CNIH1: variants seen among roughly 807,000 people sequenced by gnomAD.
CNIH1 encodes cornichon family member 1, also known as protein cornichon homolog 1.
CNIH1 carries 12 observed loss-of-function variants against 20.2 expected under a neutral mutation model. That is an observed-to-expected ratio of 0.59 (90% confidence interval 0.38 to 0.96). CNIH1 has a LOEUF of 0.96. Among genes scored for constraint, CNIH1 ranks in the 40% least tolerant of loss-of-function variants. CNIH1 has a pLI of 0.00. For missense variants in CNIH1, 152 were observed against 178.8 expected, an observed-to-expected ratio of 0.85 and a Z score of 0.85; for synonymous variants, 69 against 63.3, an observed-to-expected ratio of 1.09 and a Z score of -0.43.
In CNIH1 at chr14:54,427,180, C is replaced by A. The variant is rs1343571186; in HGVS notation, c.*634G>T. The A allele has an allele frequency of 3.3e-5, 5 of 152,094 alleles. No individual in the cohort carries two copies. The highest frequency in any genetic ancestry group is 7.4e-5 in the Non-Finnish European group (5 of 68,006). 9.4% of individuals were successfully genotyped at this position (152,094 alleles called of 1,614,324 possible). On this transcript the variant is annotated 3_prime_UTR_variant, in exon 5 of 5. Transcript: ENST00000216416. Reference sequence around the variant, plus strand: ...AGCATATATTTTTATATCATGTTTACTTATGCTTAAGAATTAAAGCAAGTA... The same window carrying A: ...AGCATATATTTTTATATCATGTTTAATTATGCTTAAGAATTAAAGCAAGTA...
chr14:54,441,364 A>G lies in CNIH1; in HGVS notation c.-37T>C, dbSNP rs1259016731. The G allele has an allele frequency of 1.4e-6, 2 of 1,476,114 alleles. No homozygotes were observed. Among genetic ancestry groups the G allele is most frequent in the Admixed American group, 2.2e-5 (1 of 45,458 alleles). The allele number at this position is 1,476,114 out of a possible 1,614,324, so 91.4% of individuals were successfully genotyped here. On this transcript the variant is annotated 5_prime_UTR_variant, in exon 1 of 5. Transcript: ENST00000216416. Reference sequence around the variant, plus strand: ...AGGAGCGGGGAGCGGCGCCGTTGCCAGCGGAGAAAGGCGGCGCAGGGCCCT... The same window carrying G: ...AGGAGCGGGGAGCGGCGCCGTTGCCGGCGGAGAAAGGCGGCGCAGGGCCCT...
intron 1 of CNIH1, 58 bp downstream of exon 1, chr14:54,441,189 G>A: frequency 2.1e-6 from 3 of 1,447,930 alleles, no homozygotes; most frequent in South Asian, 2.7e-5. Flanking sequence ...CGCGGGCCCG[G>A]GGCGAAAAGA....
At chr14:54,438,680 G>C (rs367948732) in intron 1 of CNIH1, among the ~76,000 whole-genome samples, 2 of 152,324 alleles carry the variant, frequency 1.3e-5, no homozygotes, top group African/African-American at 4.8e-5. Context: ...TTTTTGGAAT[G>C]TAATTTAAAA....
chr14:54,440,180 T>TG (rs1176484851), intron 1 of CNIH1, among the ~76,000 whole-genome samples: 1 of 152,246 alleles, frequency 6.6e-6, no homozygotes, highest in Non-Finnish European at 1.5e-5. Flanking sequence ...CCCCTCCGTA[T>TG]GTTTCATAGA....
intron 1 of CNIH1, 198 bp from the exon 2 acceptor site, chr14:54,436,635 G>A (rs1279228419): frequency 1.4e-5 from 8 of 578,430 alleles, no homozygotes; most frequent in Non-Finnish European, 2.2e-5. Flanking sequence ...TCTTATCTCA[G>A]TATCACTAAA....
chr14:54,438,419 A>C (rs2031098861), intron 1 of CNIH1, among the ~76,000 whole-genome samples: 1 of 152,216 alleles, frequency 6.6e-6, no homozygotes, highest in South Asian at 2.1e-4. Context: ...ACACCCACAA[A>C]ATTTCCTACA....
chr14:54,435,676 T>G (rs1353348191), intron 2 of CNIH1, among the ~76,000 whole-genome samples: 1 of 152,144 alleles, frequency 6.6e-6, no homozygotes, highest in Admixed American at 6.5e-5. Flanking sequence ...AATGACTCAT[T>G]TATTCCAGAA....
chr14:54,440,467 T>C lies in CNIH1; in HGVS notation c.81+780A>G, dbSNP rs543934911. Among the ~76,000 whole-genome samples, 4 of 152,292 alleles carry C rather than the reference T, an allele frequency of 2.6e-5. 1 individual carries two copies. Among genetic ancestry groups the C allele is most frequent in the African/African-American group, 9.6e-5 (4 of 41,558 alleles). Reference sequence around the variant, plus strand: ...GTAAGGCTGTGCTTCCACCCTGCAATAGTGATGATGATGTGTGTAACAGAA... The same window carrying C: ...GTAAGGCTGTGCTTCCACCCTGCAACAGTGATGATGATGTGTGTAACAGAA... On this transcript the variant is annotated intron_variant, in intron 1 of 4. Transcript: ENST00000216416.
intron 2 of CNIH1, among the ~76,000 whole-genome samples, chr14:54,433,942 T>C (rs1271175922): frequency 6.6e-6 from 1 of 152,108 alleles, no homozygotes; most frequent in Non-Finnish European, 1.5e-5. Context: ...CCATCTCTCT[T>C]AAAAACCAAC....
chr14:54,441,106 C>T, intron 1 of CNIH1, 141 bp downstream of exon 1: 2 of 907,570 alleles, frequency 2.2e-6, no homozygotes, highest in South Asian at 5.4e-5. Flanking sequence ...CCCCAGACCC[C>T]TCGCCGCGCG....
In CNIH1 at chr14:54,424,080, CT is replaced by C. The variant is rs1282717789; in HGVS notation, c.*3733del. On this transcript the variant is annotated 3_prime_UTR_variant, in exon 5 of 5. Coordinates refer to ENST00000216416, the MANE Select transcript of CNIH1 (RefSeq NM_005776.3). ...ATTTAGCAATAGAACCACTCTTTTA[CT>C]TTTGATATCATTCTGAGGTATTAAT... The C allele has an allele frequency of 6.6e-6, 1 of 152,166 alleles. No individual in the cohort carries two copies. Among genetic ancestry groups the C allele is most frequent in the Non-Finnish European group, 1.5e-5 (1 of 68,016 alleles). 9.4% of individuals were successfully genotyped at this position (152,166 alleles called of 1,614,324 possible).
Position 54,437,678 on chromosome 14 carries a change from T to TAA in CNIH1, c.82-1243_82-1242dup, listed in dbSNP as rs199875640. 3.5e-3 allele frequency among the ~76,000 whole-genome samples: 510 copies of TAA among 147,312 alleles called. 5 individuals carry two copies. Among genetic ancestry groups the TAA allele is most frequent in the African/African-American group, 9.6e-3 (387 of 40,388 alleles). On this transcript the variant is annotated intron_variant, in intron 1 of 4. Coordinates refer to ENST00000216416, the MANE Select transcript of CNIH1 (RefSeq NM_005776.3). ...GGGTGAAAAAAATAGCACTAGGGAT[T>TAA]AAAAAAAAAAAATGCAGAACTCACC...
intron 2 of CNIH1, among the ~76,000 whole-genome samples, chr14:54,433,433 TAACC>T (rs959465396): frequency 1.3e-5 from 2 of 152,158 alleles, no homozygotes; most frequent in Admixed American, 6.5e-5. Flanking sequence ...TCTACACCAC[TAACC>T]AAATATTTTC....
At chr14:54,433,876 T>C (rs2030997228) in intron 2 of CNIH1, among the ~76,000 whole-genome samples, 1 of 152,190 alleles carries the variant, frequency 6.6e-6, no homozygotes, top group Admixed American at 6.5e-5. Context: ...AGTTCTAATA[T>C]GAAACAATGC....
In CNIH1 at chr14:54,427,752, A is replaced by C; in HGVS notation, c.*62T>G. The C allele has an allele frequency of 6.4e-7, 1 of 1,556,238 alleles. No homozygotes were observed. Among genetic ancestry groups the C allele is most frequent in the Non-Finnish European group, 8.9e-7 (1 of 1,128,924 alleles). ...TCTTGGACAGGATCTTGCTGGATAG[A>C]ATCCCTTCATTTGGTGGCTTTTTGC... On this transcript the variant is annotated 3_prime_UTR_variant, in exon 5 of 5. Transcript: ENST00000216416.
At chr14:54,437,127 G>T (rs750599336) in intron 1 of CNIH1, among the ~76,000 whole-genome samples, 1 of 152,174 alleles carries the variant, frequency 6.6e-6, no homozygotes, top group Non-Finnish European at 1.5e-5. Flanking sequence ...GGAGGAATGT[G>T]GCTTCAACCT....
intron 2 of CNIH1, among the ~76,000 whole-genome samples, chr14:54,434,105 A>G (rs756423476): frequency 6.6e-6 from 1 of 152,214 alleles, no homozygotes; most frequent in Non-Finnish European, 1.5e-5. Context: ...TGCAAAATAT[A>G]ATATTCTCTT....
At chr14:54,432,915 C>T (rs1036897822) in intron 2 of CNIH1, among the ~76,000 whole-genome samples, 13 of 152,098 alleles carry the variant, frequency 8.5e-5, no homozygotes, top group African/African-American at 3.1e-4. Context: ...GTGGCCTTTC[C>T]GTTTCTTTAC....
In CNIH1 at chr14:54,427,919, T is replaced by C. The variant is rs1167148431; in HGVS notation, c.408-78A>G. 8 of 1,318,794 alleles carry C rather than the reference T, an allele frequency of 6.1e-6. No homozygotes were observed. In the African/African-American group the frequency reaches 1.0e-4, roughly 17 times the overall value. The allele number at this position is 1,318,794 out of a possible 1,614,324, so 81.7% of individuals were successfully genotyped here. A position where few individuals can be genotyped will look rare whatever the true frequency, so the allele number is the denominator to read the frequency against. ...AACTCAGAGCATGAGAGAGTATGCT[T>C]TATATAGCAAACTAGTATCACAGAA... is the stretch of plus-strand genomic sequence containing the variant. On this transcript the variant is annotated intron_variant, in intron 4 of 4. Transcript: ENST00000216416.
Sources: gnomAD v4.1 joint callset for allele counts (sites outside exome capture counted in the v4.1 genomes callset) on GRCh38, gnomAD v4.1.1 for gene constraint, MANE v1.5 for transcripts, NCBI Gene and HGNC (gene_info 2026-07-23, HGNC 2026-07-21) for gene names.